Variants in MCCC1 observed in about 807,000 individuals in gnomAD.
MCCC1 encodes methylcrotonyl-CoA carboxylase subunit 1.
In MCCC1, 64 loss-of-function variants were observed where a neutral mutation model predicts 83.8. The ratio of observed to expected loss-of-function variants is 0.76; its 90% CI spans 0.62 to 0.94. The LOEUF (loss-of-function observed/expected upper bound fraction) is 0.94, where lower values mean the gene tolerates loss of function less well. Ranked by LOEUF, MCCC1 falls within the 40% of genes least tolerant of loss-of-function variation. The pLI is 0.00. For missense variants in MCCC1, 807 were observed against 904.7 expected (o/e 0.89, Z 1.39); for synonymous variants, 322 against 315.4 (o/e 1.02, Z -0.22).
At chr3:183,111,058 A>G (rs73052271) in intron 1 of MCCC1, among the ~76,000 whole-genome samples, 5,125 of 152,246 alleles carry the variant, frequency 0.034, 292 homozygotes, top group African/African-American at 0.12. Flanking sequence ...AGATGTTTAC[A>G]TATGTATTAT....
intron 4 of MCCC1, among the ~76,000 whole-genome samples, chr3:183,075,007 T>C (rs1214839522): frequency 6.6e-6 from 1 of 152,232 alleles, no homozygotes; most frequent in African/African-American, 2.4e-5. Context: ...CTAAGGATAA[T>C]AGCTTCCAGC....
At chr3:183,074,686 T>A (rs1024367230) in intron 4 of MCCC1, among the ~76,000 whole-genome samples, 2 of 152,142 alleles carry the variant, frequency 1.3e-5, no homozygotes, top group African/African-American at 4.8e-5. Context: ...TTGCAGCCAG[T>A]TTAGAGTTTT....
At position 183,017,305 on chromosome 3, in the gene MCCC1, C is replaced by T. The variant is rs370727510; in HGVS notation, c.2010G>A (p.Ala670=). The change falls in exon 18 of 19, where the codon GCG becomes GCA. Residue 670 remains alanine, a synonymous_variant. Coordinates refer to ENST00000265594, the MANE Select transcript of MCCC1 (RefSeq NM_020166.5). ...VFVKAGDKVK[A]GDSLMVMIAM... ...CGATCATAACCATGAGGGAATCTCC[C>T]GCTTTCACTTTGTCTCCAGCTTTGA... 2.1e-5 allele frequency: 34 copies of T among 1,613,762 alleles called. No homozygotes were observed. The Admixed American group carries it at 3.7e-4, about 17-fold the overall frequency.
chr3:183,113,488 A>C (rs917805949), intron 1 of MCCC1, among the ~76,000 whole-genome samples: 3 of 151,796 alleles, frequency 2.0e-5, no homozygotes, highest in Non-Finnish European at 4.4e-5. Context: ...TGAGTGCAGC[A>C]CACCAACATG....
chr3:183,105,532 T>C (rs1719388982), intron 1 of MCCC1, among the ~76,000 whole-genome samples: 1 of 152,210 alleles, frequency 6.6e-6, no homozygotes, highest in African/African-American at 2.4e-5. Context: ...CTTATATATG[T>C]AGAAATATCC....
At chr3:183,022,754 T>C in intron 15 of MCCC1, 200 bp from the exon 16 acceptor site, 1 of 526,992 alleles carries the variant, frequency 1.9e-6, no homozygotes, top group Non-Finnish European at 3.3e-6. Flanking sequence ...GACAGGAAGA[T>C]AATTAAAAGG....
At chr3:183,057,199 C>T in intron 8 of MCCC1, 112 bp downstream of exon 8, 1 of 859,574 alleles carries the variant, frequency 1.2e-6, no homozygotes, top group South Asian at 1.4e-5. Flanking sequence ...CAACAGTTGT[C>T]CAGCAGGAGT....
chr3:183,093,088 T>C (rs544892483), intron 2 of MCCC1, among the ~76,000 whole-genome samples: 35 of 152,154 alleles, frequency 2.3e-4, no homozygotes, highest in Non-Finnish European at 4.6e-4. Flanking sequence ...GAGACGGGGT[T>C]TCACCACATT....
At chr3:183,055,688 A>T (rs1279373139) in intron 8 of MCCC1, among the ~76,000 whole-genome samples, 2 of 152,036 alleles carry the variant, frequency 1.3e-5, no homozygotes, top group Non-Finnish European at 2.9e-5. Flanking sequence ...TTGAAGCCAG[A>T]AGTTTGAGAC....
chr3:183,080,058 G>A (rs967990740), intron 4 of MCCC1, among the ~76,000 whole-genome samples: 2 of 152,178 alleles, frequency 1.3e-5, no homozygotes, highest in Admixed American at 6.5e-5. Flanking sequence ...CTGGGCCTCC[G>A]GGCCTGTGAT....
At chr3:183,042,647 G>A (rs534089390) in intron 10 of MCCC1, among the ~76,000 whole-genome samples, 3 of 28,174 alleles carry the variant, frequency 1.1e-4, no homozygotes, top group African/African-American at 2.1e-4. Flanking sequence ...GAAAGGAAAC[G>A]GAACTAAGTT....
chr3:183,064,992 T>G lies in MCCC1; in HGVS notation c.761+6007A>C, dbSNP rs1716148465. Among the ~76,000 whole-genome samples the G allele has an allele frequency of 1.3e-5, 2 of 152,206 alleles. No individual in the cohort carries two copies. Among genetic ancestry groups the G allele is most frequent in the African/African-American group, 4.8e-5 (2 of 41,438 alleles). On this transcript the variant is annotated intron_variant, in intron 7 of 18. Transcript: ENST00000265594. This position sits in a 1 kb window ranked among gnomAD's most constrained non-coding sequence, Gnocchi z 4.5. ...AAACTGGTTGAATGAATGGCAAAAA[T>G]CACTGTTTATCTCCTCTGTAAAGTT...
upstream of MCCC1, chr3:183,099,552 G>T: frequency 5.5e-6 from 7 of 1,262,518 alleles, no homozygotes; most frequent in Non-Finnish European, 7.8e-6. Flanking sequence ...GCCACCGTCG[G>T]AGCCTGAGCC....
Position 183,090,340 on chromosome 3 carries a change from C to G in MCCC1, c.273+2069G>C, listed in dbSNP as rs73052259. Among the ~76,000 whole-genome samples the G allele has an allele frequency of 9.9e-5, 15 of 152,158 alleles. No homozygotes were observed. The South Asian group carries it at 2.7e-3, about 27-fold the overall frequency. On this transcript the variant is annotated intron_variant, in intron 3 of 18. Coordinates refer to ENST00000265594, the MANE Select transcript of MCCC1 (RefSeq NM_020166.5). ...AGTCTAGTAGAGAGTGGTTGAAGAC[C>G]CATCATTGAAAAATAGAAGATCCTT...
intron 7 of MCCC1, among the ~76,000 whole-genome samples, chr3:183,059,139 T>C (rs1457679501): frequency 6.6e-6 from 1 of 152,072 alleles, no homozygotes; most frequent in South Asian, 2.1e-4. Context: ...AAATCCTGTC[T>C]CTACTAAAAA....
At position 183,057,492 on chromosome 3, in the gene MCCC1, A is replaced by T. The variant is rs1234205068; in HGVS notation, c.762-70T>A. ...ATAAATATCACATTCGTTAAGCTAA[A>T]CTGTTAGGCACAATCACCAGGATTT... On this transcript the variant is annotated intron_variant, in intron 7 of 18. Coordinates refer to ENST00000265594, the MANE Select transcript of MCCC1 (RefSeq NM_020166.5). The T allele has an allele frequency of 1.3e-5, 15 of 1,164,340 alleles. 1 individual carries two copies. The Admixed American group carries it at 3.0e-4, about 23-fold the overall frequency. The allele number at this position is 1,164,340 out of a possible 1,614,324, so 72.1% of individuals were successfully genotyped here.
intron 10 of MCCC1, 105 bp from the exon 11 acceptor site, chr3:183,041,855 T>A (rs1714117213): frequency 7.8e-7 from 1 of 1,286,444 alleles, no homozygotes; most frequent in Non-Finnish European, 1.1e-6. Flanking sequence ...ACATTTAGGT[T>A]TTGCAATGCA....
intron 16 of MCCC1, among the ~76,000 whole-genome samples, chr3:183,020,895 TA>T (rs536736401): frequency 1.1e-3 from 160 of 151,632 alleles, no homozygotes; most frequent in Middle Eastern, 6.8e-3. Context: ...CCATCTCTAC[TA>T]AAAAATACAA....
chr3:183,053,754 A>G (rs1334824948), intron 8 of MCCC1, among the ~76,000 whole-genome samples: 2 of 150,370 alleles, frequency 1.3e-5, no homozygotes, highest in Non-Finnish European at 3.0e-5. Flanking sequence ...GCAGTGAGCC[A>G]AGACTGCACC....
Sources: allele counts gnomAD v4.1 joint callset (sites outside exome capture counted in the v4.1 genomes callset), GRCh38; gene constraint gnomAD v4.1.1; non-coding constraint Gnocchi (gnomAD v3.1); transcripts MANE v1.5; gene names NCBI Gene and HGNC (gene_info 2026-07-23, HGNC 2026-07-21).